FGF12: variants seen among roughly 807,000 people sequenced by gnomAD.
The protein encoded by FGF12 is fibroblast growth factor 12B.
FGF12 carries 14 observed loss-of-function variants against 23.6 expected under a neutral mutation model. The ratio of observed to expected loss-of-function variants is 0.59; its 90% confidence interval spans 0.39 to 0.93. The LOEUF (loss-of-function observed/expected upper bound fraction) is 0.93, where lower values mean the gene tolerates loss of function less well. FGF12 is among the 40% of genes least tolerant of loss of function. The pLI is 0.00. For synonymous variants in FGF12, 62 were observed against 77.3 expected (o/e 0.80, Z 1.04); for missense variants, 175 against 217.8 (o/e 0.80, Z 1.24).
At position 192,693,679 on chromosome 3, in the gene FGF12, G is replaced by A. The variant is rs1411002628; in HGVS notation, c.13+33502C>T. Among the ~76,000 whole-genome samples, 4 of 152,246 alleles carry A rather than the reference G, an allele frequency of 2.6e-5. No homozygotes were observed. The South Asian group carries it at 8.3e-4, about 32-fold the overall frequency. ...AAGGAGAGTCTCTTCAATAAATGAT[G>A]TTGGGAAATCTATATATCCACATCA... On this transcript the variant is annotated intron_variant, in intron 2 of 5. Coordinates refer to ENST00000445105, the MANE Select transcript of FGF12 (RefSeq NM_004113.6).
intron 4 of FGF12, among the ~76,000 whole-genome samples, chr3:192,297,587 C>T (rs902857621): frequency 6.6e-6 from 1 of 152,066 alleles, no homozygotes; most frequent in African/African-American, 2.4e-5. Flanking sequence ...ATAACAATAC[C>T]ACTTAGAATT....
intron 2 of FGF12, among the ~76,000 whole-genome samples, chr3:192,551,207 C>A (rs1008309350): frequency 7.9e-5 from 12 of 152,136 alleles, no homozygotes; most frequent in African/African-American, 2.7e-4. Context: ...GCTTTCTACC[C>A]GGGGTCACTT....
intron 2 of FGF12, among the ~76,000 whole-genome samples, chr3:192,591,643 G>A (rs1296253451): frequency 6.6e-6 from 1 of 151,858 alleles, no homozygotes; most frequent in Non-Finnish European, 1.5e-5. Context: ...AAGGCAAAAA[G>A]ATATTTAGTA....
At chr3:192,160,598 C>T (rs922195811) in intron 5 of FGF12, among the ~76,000 whole-genome samples, 1 of 152,082 alleles carries the variant, frequency 6.6e-6, no homozygotes, top group Non-Finnish European at 1.5e-5. Flanking sequence ...TTTTAAAATG[C>T]TTGCTTATTT....
chr3:192,221,376 G>T (rs534753744), intron 4 of FGF12, among the ~76,000 whole-genome samples: 63 of 152,216 alleles, frequency 4.1e-4, no homozygotes, highest in African/African-American at 1.5e-3. Context: ...TGGTAACTAG[G>T]TTAAAATGCT....
At chr3:192,520,237 T>C (rs1724783714) in intron 2 of FGF12, among the ~76,000 whole-genome samples, 1 of 152,218 alleles carries the variant, frequency 6.6e-6, no homozygotes, top group South Asian at 2.1e-4. Context: ...GAGCTAGAGA[T>C]AGAGATAGAT....
intron 2 of FGF12, among the ~76,000 whole-genome samples, chr3:192,558,958 G>A (rs1010917009): frequency 6.6e-6 from 1 of 151,838 alleles, no homozygotes; most frequent in Non-Finnish European, 1.5e-5. Context: ...ACTCAAAGTC[G>A]ATTAAAGACT....
chr3:192,560,180 G>A (rs1476693543), intron 2 of FGF12, among the ~76,000 whole-genome samples: 2 of 151,900 alleles, frequency 1.3e-5, no homozygotes, highest in Admixed American at 1.3e-4. Flanking sequence ...TTCTGAAAAT[G>A]TATGTTCACG....
intron 2 of FGF12, among the ~76,000 whole-genome samples, chr3:192,557,549 C>T (rs1172655991): frequency 4.0e-5 from 6 of 151,852 alleles, no homozygotes; most frequent in Admixed American, 3.9e-4. Context: ...GAGGGGAACA[C>T]TTCAAAACTA....
At chr3:192,258,668 T>C (rs1712558881) in intron 4 of FGF12, among the ~76,000 whole-genome samples, 1 of 152,154 alleles carries the variant, frequency 6.6e-6, no homozygotes, top group South Asian at 2.1e-4. Flanking sequence ...ATTTTTATAC[T>C]ATTAAAGAAA....
In FGF12 at chr3:192,141,129, A is replaced by AAAAAC. The variant is rs1713354597; in HGVS notation, c.*2879_*2880insGTTTT. 4.9e-5 allele frequency: 2 copies of AAAAAC among 40,622 alleles called. No homozygotes were observed. The highest frequency in any genetic ancestry group is 2.3e-4 in the African/African-American group (2 of 8,884). 2.5% of individuals were successfully genotyped at this position (40,622 alleles called of 1,614,324 possible). A position where few individuals can be genotyped will look rare whatever the true frequency, so the allele number is the denominator to read the frequency against. On this transcript the variant is annotated 3_prime_UTR_variant, in exon 6 of 6. Transcript: ENST00000445105. ...CTGGGAAAAATCCCAATGCAACTCC[A>AAAAAC]AAAAAAAAAAAAAAAAAAAAAAAAA...
intron 2 of FGF12, among the ~76,000 whole-genome samples, chr3:192,415,582 G>A (rs1234078422): frequency 6.6e-6 from 1 of 151,856 alleles, no homozygotes; most frequent in Non-Finnish European, 1.5e-5. Flanking sequence ...TGATTGTTTT[G>A]TTTTATCAAC....
chr3:192,345,728 T>C (rs559767140), intron 3 of FGF12, among the ~76,000 whole-genome samples: 3 of 151,594 alleles, frequency 2.0e-5, no homozygotes, highest in East Asian at 3.9e-4. Flanking sequence ...ATTCTAATGA[T>C]AACAATTCAA....
chr3:192,440,669 A>T (rs571558429), intron 2 of FGF12, among the ~76,000 whole-genome samples: 1 of 152,312 alleles, frequency 6.6e-6, no homozygotes, highest in South Asian at 2.1e-4. Context: ...AGATGGTAAG[A>T]GGTTTTCACA....
At chr3:192,511,000 G>C (rs1209098534) in intron 2 of FGF12, among the ~76,000 whole-genome samples, 2 of 152,120 alleles carry the variant, frequency 1.3e-5, no homozygotes, top group Admixed American at 6.5e-5. Flanking sequence ...TTTTTTATAG[G>C]ATCGTTGAGG....
chr3:192,177,245 T>C (rs1715912237), intron 4 of FGF12, among the ~76,000 whole-genome samples: 1 of 152,252 alleles, frequency 6.6e-6, no homozygotes, highest in Non-Finnish European at 1.5e-5. Flanking sequence ...CTATACAGAC[T>C]AGGAGCATTG....
intron 4 of FGF12, among the ~76,000 whole-genome samples, chr3:192,229,961 G>T (rs1319194043): frequency 8.8e-6 from 1 of 113,374 alleles, no homozygotes; most frequent in Admixed American, 8.7e-5. Context: ...GATACATTAT[G>T]TGAGAAAGAT....
chr3:192,662,135 AAGAG>A (rs1716693390), intron 2 of FGF12, among the ~76,000 whole-genome samples: 1 of 152,212 alleles, frequency 6.6e-6, no homozygotes, highest in South Asian at 2.1e-4. Context: ...AAGGAAAGGT[AAGAG>A]AAAGAAGGAA....
intron 4 of FGF12, among the ~76,000 whole-genome samples, chr3:192,295,957 C>T (rs574894429): frequency 6.6e-6 from 1 of 151,824 alleles, no homozygotes; most frequent in East Asian, 1.9e-4. Flanking sequence ...TCACAGCTCA[C>T]TGCAACCTCC....
Sources: gnomAD v4.1 joint callset for allele counts (sites outside exome capture counted in the v4.1 genomes callset) on GRCh38, gnomAD v4.1.1 for gene constraint, MANE v1.5 for transcripts, NCBI Gene and HGNC (gene_info 2026-07-23, HGNC 2026-07-21) for gene names.